The following SRPK1 variants were observed in gnomAD, a reference collection of about 807,000 sequenced individuals.
SRPK1 encodes the protein SFRS protein kinase 1.
A neutral mutation model predicts 89.5 loss-of-function variants in SRPK1; 52 were observed. The ratio of observed to expected loss-of-function variants is 0.58; its 90% CI spans 0.46 to 0.73. The LOEUF is 0.73. Among genes scored for constraint, SRPK1 ranks in the 30% least tolerant of loss-of-function variants. The probability of loss-of-function intolerance (pLI) is 0.00; values close to 1 mark genes in which losing one functional copy is unlikely to be tolerated. For synonymous variants in SRPK1, 255 were observed against 270.2 expected, an observed-to-expected ratio of 0.94 and a Z score of 0.55; for missense variants, 603 against 780.6, an observed-to-expected ratio of 0.77 and a Z score of 2.71.
chr6:35,860,721 TATA>T (rs1485546170), intron 12 of SRPK1, among the ~76,000 whole-genome samples: 2 of 152,030 alleles, frequency 1.3e-5, no homozygotes, highest in Admixed American at 1.3e-4. Flanking sequence ...CAAATAAACA[TATA>T]ATATTAGATT....
At chr6:35,917,464 C>T (rs1771135854) in intron 2 of SRPK1, among the ~76,000 whole-genome samples, 1 of 152,168 alleles carries the variant, frequency 6.6e-6, no homozygotes, top group African/African-American at 2.4e-5. Context: ...GAGATCATCA[C>T]CAACTAGTTA....
chr6:35,896,083 T>C (rs1581592427), intron 2 of SRPK1, among the ~76,000 whole-genome samples: 2 of 152,316 alleles, frequency 1.3e-5, no homozygotes, highest in Middle Eastern at 6.8e-3. Context: ...GCAAATTAAT[T>C]CAACCCAAGG....
chr6:35,855,782 T>C (rs1025212407), intron 13 of SRPK1, among the ~76,000 whole-genome samples: 2 of 152,222 alleles, frequency 1.3e-5, no homozygotes, highest in African/African-American at 4.8e-5. Flanking sequence ...TTGCCTAGGC[T>C]GGAGTGCAAT....
intron 6 of SRPK1, among the ~76,000 whole-genome samples, chr6:35,880,742 A>AAAAAAAAAAAAAAAAAAAAAGAAAG: frequency 3.5e-5 from 1 of 28,188 alleles, no homozygotes; most frequent in Non-Finnish European, 5.6e-5. Flanking sequence ...AAAGAAAAAA[A>AAAAAAAAAAAAAAAAAAAAAGAAAG]AAAAAAAAGA....
chr6:35,876,620 T>C (rs571654685), intron 6 of SRPK1, among the ~76,000 whole-genome samples: 1 of 152,120 alleles, frequency 6.6e-6, no homozygotes, highest in African/African-American at 2.4e-5. Context: ...CCAGCCTGAG[T>C]GACACAGTGA....
At chr6:35,867,161 T>TA (rs201178796) in intron 12 of SRPK1, among the ~76,000 whole-genome samples, 3 of 148,398 alleles carry the variant, frequency 2.0e-5, no homozygotes, top group Admixed American at 1.3e-4. Flanking sequence ...ATATACAAAT[T>TA]AAAAAAAAAA....
At chr6:35,889,792 A>C (rs560136492) in intron 3 of SRPK1, among the ~76,000 whole-genome samples, 1 of 147,716 alleles carries the variant, frequency 6.8e-6, no homozygotes, top group South Asian at 2.2e-4. Context: ...TCAAAAAACA[A>C]ACAAACAAAC....
intron 13 of SRPK1, among the ~76,000 whole-genome samples, chr6:35,842,910 G>C (rs1769343241): frequency 6.6e-6 from 1 of 151,394 alleles, no homozygotes; most frequent in Non-Finnish European, 1.5e-5. Flanking sequence ...TTTTTGGCCG[G>C]AAAGGGGCAT....
intron 7 of SRPK1, 124 bp from the exon 8 acceptor site, chr6:35,872,852 A>T: frequency 1.1e-6 from 1 of 892,334 alleles, no homozygotes; most frequent in Non-Finnish European, 1.6e-6. Context: ...AGAGAATAAA[A>T]GCACCTTTTA....
intron 13 of SRPK1, among the ~76,000 whole-genome samples, chr6:35,847,994 T>C (rs1271454178): frequency 6.6e-6 from 1 of 151,980 alleles, no homozygotes; most frequent in African/African-American, 2.4e-5. Flanking sequence ...TTTAAATTAT[T>C]TGTAGAGATG....
rs1300684820 is a variant in SRPK1, at chr6:35,886,742, A to AT, written c.459dup (p.Ser154IlefsTer4). ...AGGATACGTGTTCCATTAACTCCTG[A>AT]TATTTTAAAGTCATCTAGTAGTTGA... On this transcript the variant is annotated frameshift_variant, in exon 6 of 16. Coordinates refer to ENST00000373825, the MANE Select transcript of SRPK1 (RefSeq NM_003137.5). LOFTEE classifies it high-confidence loss of function. The AT allele has an allele frequency of 6.2e-7, 1 of 1,601,078 alleles. No individual in the cohort carries two copies. The highest frequency in any genetic ancestry group is 8.6e-7 in the Non-Finnish European group (1 of 1,168,614).
chr6:35,907,797 T>C (rs977727157), intron 2 of SRPK1, among the ~76,000 whole-genome samples: 1 of 152,160 alleles, frequency 6.6e-6, no homozygotes, highest in South Asian at 2.1e-4. Context: ...AGTTTGGCTC[T>C]GTGTCTCTAC....
chr6:35,842,454 CT>C, intron 14 of SRPK1, 80 bp downstream of exon 14: 1 of 1,115,426 alleles, frequency 9.0e-7, no homozygotes, highest in Non-Finnish European at 1.3e-6. Flanking sequence ...GACTAAGGCT[CT>C]TCGGTACTAA....
intron 2 of SRPK1, among the ~76,000 whole-genome samples, chr6:35,899,460 C>T (rs553988425): frequency 3.3e-5 from 5 of 152,150 alleles, no homozygotes; most frequent in African/African-American, 1.2e-4. Flanking sequence ...CAGACACTCC[C>T]AGAATGTAAG....
intron 2 of SRPK1, among the ~76,000 whole-genome samples, chr6:35,895,489 G>A (rs1012922780): frequency 2.0e-5 from 3 of 151,234 alleles, no homozygotes; most frequent in East Asian, 1.9e-4. Flanking sequence ...TTCCTGGCTC[G>A]TAACTCCCAC....
chr6:35,920,253 A>G (rs368011643), intron 2 of SRPK1: 5 of 636,698 alleles, frequency 7.9e-6, no homozygotes, highest in African/African-American at 5.5e-5. Flanking sequence ...AGCCCTTTCC[A>G]GCAGGCCCGG....
Position 35,920,349 on chromosome 6 carries a change from G to A in SRPK1, c.74+119C>T, listed in dbSNP as rs563058939. On this transcript the variant is annotated intron_variant, in intron 2 of 15. Coordinates refer to ENST00000373825, the MANE Select transcript of SRPK1 (RefSeq NM_003137.5). ...AGAGCGACCCTCCGAGCTGCCCCGAGGCCATGTGGCTGCAGCCACAGGGTG... is the reference window on the plus strand; with the variant it reads ...AGAGCGACCCTCCGAGCTGCCCCGAAGCCATGTGGCTGCAGCCACAGGGTG... The A allele has an allele frequency of 9.4e-6, 10 of 1,066,998 alleles. No homozygotes were observed. The African/African-American group carries it at 1.3e-4, about 13-fold the overall frequency. The allele number at this position is 1,066,998 out of a possible 1,614,324, so 66.1% of individuals were successfully genotyped here.
chr6:35,865,477 C>T (rs1157686725), intron 12 of SRPK1, among the ~76,000 whole-genome samples: 3 of 151,826 alleles, frequency 2.0e-5, no homozygotes, highest in South Asian at 4.2e-4. Flanking sequence ...AAAAAAAGAA[C>T]CTAAATAGCC....
At chr6:35,914,089 C>T (rs1372940804) in intron 2 of SRPK1, among the ~76,000 whole-genome samples, 1 of 148,114 alleles carries the variant, frequency 6.8e-6, no homozygotes, top group African/African-American at 2.5e-5. Flanking sequence ...AATTCTCCTG[C>T]CTCAGCCTCC....
Sources: gnomAD v4.1 joint callset for allele counts (sites outside exome capture counted in the v4.1 genomes callset) on GRCh38, gnomAD v4.1.1 for gene constraint, MANE v1.5 for transcripts, NCBI Gene and HGNC (gene_info 2026-07-23, HGNC 2026-07-21) for gene names.